Variants in NXPE2 observed in about 807,000 individuals in gnomAD.
NXPE2 encodes NXPE family member 2.
Under a neutral mutation model 34.4 loss-of-function variants are expected in NXPE2, and 34 were observed. The ratio of observed to expected loss-of-function variants is 0.99; its 90% CI spans 0.75 to 1.31. The LOEUF (loss-of-function observed/expected upper bound fraction) is 1.31, where lower values mean the gene tolerates loss of function less well. NXPE2 is among the 40% of genes most tolerant of loss of function. NXPE2 has a pLI of 0.00. For missense variants in NXPE2, 649 were observed against 672.5 expected (o/e 0.97, Z 0.39); for synonymous variants, 235 against 231.3 (o/e 1.02, Z -0.15).
chr11:114,582,410 T>C, the NXPE2 span: 44 of 1,614,090 alleles, frequency 2.7e-5, no homozygotes, highest in Non-Finnish European at 3.6e-5. Context: ...CTTCTTGGTC[T>C]CTGTTGTCCA....
At chr11:114,763,590 G>C in the NXPE2 span, among the ~76,000 whole-genome samples, 6 of 152,276 alleles carry the variant, frequency 3.9e-5, no homozygotes, top group Non-Finnish European at 8.8e-5. Context: ...TGAGATTCTA[G>C]GTGTCTCAAG....
At chr11:114,791,784 C>T in the NXPE2 span, among the ~76,000 whole-genome samples, 21 of 152,260 alleles carry the variant, frequency 1.4e-4, no homozygotes, top group African/African-American at 4.3e-4. Context: ...ATGTCAGGCG[C>T]GGTGGCTCAC....
At chr11:114,773,947 C>T in the NXPE2 span, among the ~76,000 whole-genome samples, 6 of 152,202 alleles carry the variant, frequency 3.9e-5, no homozygotes, top group African/African-American at 1.2e-4. Context: ...GACGGCAGAT[C>T]GCATGACTTC....
chr11:114,632,172 A>G, the NXPE2 span, among the ~76,000 whole-genome samples: 3 of 141,198 alleles, frequency 2.1e-5, no homozygotes, highest in African/African-American at 5.1e-5. Flanking sequence ...TTTATCATAT[A>G]ATATATAATA....
the NXPE2 span, among the ~76,000 whole-genome samples, chr11:114,662,057 G>A: frequency 2.0e-5 from 3 of 152,142 alleles, no homozygotes; most frequent in Non-Finnish European, 2.9e-5. Flanking sequence ...AACAACTATC[G>A]ACACAAAAGA....
At chr11:114,647,942 C>T in the NXPE2 span, among the ~76,000 whole-genome samples, 1 of 152,176 alleles carries the variant, frequency 6.6e-6, no homozygotes, top group African/African-American at 2.4e-5. Context: ...CCTCGTGATC[C>T]ACCTGCCTTG....
At chr11:114,583,755 AG>A in the NXPE2 span, 1 of 490,488 alleles carries the variant, frequency 2.0e-6, no homozygotes, top group African/African-American at 1.9e-5. Context: ...AAGTATCACC[AG>A]AGGGTGTTGT....
At chr11:114,553,755 C>T in the NXPE2 span, 2 of 985,246 alleles carry the variant, frequency 2.0e-6, no homozygotes, top group African/African-American at 1.7e-5. Flanking sequence ...ATTTGGAAAT[C>T]CTCACTGGTA....
At chr11:114,584,572 C>A in the NXPE2 span, 1 of 163,874 alleles carries the variant, frequency 6.1e-6, no homozygotes, top group Admixed American at 6.4e-5. Context: ...TTCAAAAAAG[C>A]CAAGAGGATT....
the NXPE2 span, among the ~76,000 whole-genome samples, chr11:114,465,795 C>A: frequency 6.6e-6 from 1 of 152,070 alleles, no homozygotes; most frequent in African/African-American, 2.4e-5. Flanking sequence ...AAGACCCTGT[C>A]TCTAAAAAAT....
the NXPE2 span, among the ~76,000 whole-genome samples, chr11:114,729,649 G>A: frequency 6.6e-6 from 1 of 152,156 alleles, no homozygotes; most frequent in Non-Finnish European, 1.5e-5. Context: ...GTATTTCCTT[G>A]ATTATTAGTG....
chr11:114,542,726 A>G, the NXPE2 span, among the ~76,000 whole-genome samples: 1 of 152,192 alleles, frequency 6.6e-6, no homozygotes, highest in Non-Finnish European at 1.5e-5. Flanking sequence ...ATTAGAGGGA[A>G]GCAATAGTCA....
the NXPE2 span, among the ~76,000 whole-genome samples, chr11:114,648,416 C>T: frequency 3.3e-5 from 5 of 152,216 alleles, no homozygotes; most frequent in South Asian, 2.1e-4. Context: ...TCTTACTCAG[C>T]GGAGGGTCAG....
At chr11:114,601,318 C>A in the NXPE2 span, among the ~76,000 whole-genome samples, 1 of 148,986 alleles carries the variant, frequency 6.7e-6, no homozygotes, top group Non-Finnish European at 1.5e-5. Flanking sequence ...AGCTTAAATC[C>A]CACTTATAAG....
chr11:114,582,842 G>A, the NXPE2 span: 2 of 1,614,200 alleles, frequency 1.2e-6, no homozygotes, highest in South Asian at 2.2e-5. Context: ...TGGTGGTGGT[G>A]TTCACGTGGG....
chr11:114,639,545 A>AGCT, the NXPE2 span, among the ~76,000 whole-genome samples: 1 of 151,194 alleles, frequency 6.6e-6, no homozygotes, highest in Non-Finnish European at 1.5e-5. Flanking sequence ...TGCAGAAATT[A>AGCT]GCTGTCTTCT....
intron 2 of NXPE2, among the ~76,000 whole-genome samples, chr11:114,697,573 A>G (rs1951281609): frequency 6.6e-6 from 1 of 152,200 alleles, no homozygotes; most frequent in Admixed American, 6.5e-5. Flanking sequence ...GAAGTAGAGA[A>G]CACAACCCTT....
At chr11:114,773,279 A>T in the NXPE2 span, among the ~76,000 whole-genome samples, 9 of 69,356 alleles carry the variant, frequency 1.3e-4, no homozygotes, top group Non-Finnish European at 1.7e-4. Context: ...ACCCACTCCC[A>T]CCCCCCCCCC....
At chr11:114,713,716 C>A in the NXPE2 span, among the ~76,000 whole-genome samples, 1 of 152,160 alleles carries the variant, frequency 6.6e-6, no homozygotes, top group African/African-American at 2.4e-5. Flanking sequence ...GATACTGAAT[C>A]AACGTTAGGA....
Sources: gnomAD v4.1 joint callset for allele counts (sites outside exome capture counted in the v4.1 genomes callset) on GRCh38, gnomAD v4.1.1 for gene constraint, MANE v1.5 for transcripts, NCBI Gene and HGNC (gene_info 2026-07-23, HGNC 2026-07-21) for gene names.